Variants in IPO11 observed in about 807,000 individuals in gnomAD.
The protein encoded by IPO11 is importin 11.
In IPO11, 66 loss-of-function variants were observed where a neutral mutation model predicts 143.2. The ratio of observed to expected loss-of-function variants is 0.46; its 90% CI spans 0.38 to 0.57. The LOEUF is 0.57. Ranked by LOEUF, IPO11 falls within the 20% of genes least tolerant of loss-of-function variation. IPO11 has a pLI of 0.00. For synonymous variants in IPO11, 385 were observed against 377.8 expected, an observed-to-expected ratio of 1.02 and a Z score of -0.22; for missense variants, 1,026 against 1,141.0, an observed-to-expected ratio of 0.90 and a Z score of 1.45.
intron 1 of IPO11, among the ~76,000 whole-genome samples, chr5:62,435,114 A>ATATATGTGTATATATGTATATG (rs1561308819): frequency 2.0e-5 from 2 of 102,310 alleles, no homozygotes; most frequent in Non-Finnish European, 3.7e-5. Context: ...ATATATGTAT[A>ATATATGTGTATATATGTATATG]TATGTATATA....
At chr5:62,427,466 C>T (rs1243883982) in intron 1 of IPO11, among the ~76,000 whole-genome samples, 1 of 152,150 alleles carries the variant, frequency 6.6e-6, no homozygotes, top group Non-Finnish European at 1.5e-5. Context: ...CAGGTGTCCC[C>T]AGCCCTCAGG....
intron 5 of IPO11, among the ~76,000 whole-genome samples, chr5:62,456,475 C>A (rs1441075223): frequency 6.6e-6 from 1 of 152,140 alleles, no homozygotes; most frequent in Non-Finnish European, 1.5e-5. Flanking sequence ...CCCCAAATCA[C>A]GATGTGTAAC....
At chr5:62,604,463 G>A (rs1425615880) in intron 29 of IPO11, among the ~76,000 whole-genome samples, 1 of 152,076 alleles carries the variant, frequency 6.6e-6, no homozygotes, top group African/African-American at 2.4e-5. Context: ...TGCCCACCTT[G>A]GCCTCCCAAA....
intron 9 of IPO11, among the ~76,000 whole-genome samples, chr5:62,482,724 T>C (rs1222397529): frequency 6.6e-6 from 1 of 152,212 alleles, no homozygotes; most frequent in African/African-American, 2.4e-5. Flanking sequence ...AACATTAAAA[T>C]ATAATTCATA....
intron 3 of IPO11, among the ~76,000 whole-genome samples, chr5:62,444,149 G>A (rs1744620731): frequency 6.7e-6 from 1 of 149,570 alleles, no homozygotes; most frequent in Non-Finnish European, 1.5e-5. Flanking sequence ...AGGCTGGAGT[G>A]CAATGGCATG....
rs879141416 is a variant in IPO11 at position 62,551,346 on chromosome 5, A to G, written c.2460+10A>G. 7.8e-7 allele frequency: 1 copy of G among 1,277,370 alleles called. No individual in the cohort carries two copies. Among genetic ancestry groups the G allele is most frequent in the South Asian group, 1.2e-5 (1 of 82,672 alleles). The allele number at this position is 1,277,370 out of a possible 1,614,324, so 79.1% of individuals were successfully genotyped here. Reference sequence around the variant, plus strand: ...TAAATTTAATCAGGAGGTAAGAATCAATATACTTAAATTTAAGGAAGTCTT... The same window carrying G: ...TAAATTTAATCAGGAGGTAAGAATCGATATACTTAAATTTAAGGAAGTCTT... On this transcript the variant is annotated intron_variant, in intron 26 of 29. Transcript: ENST00000325324.
intron 22 of IPO11, among the ~76,000 whole-genome samples, chr5:62,535,723 T>C (rs532555073): frequency 6.6e-6 from 1 of 152,260 alleles, no homozygotes; most frequent in Non-Finnish European, 1.5e-5. Context: ...AATTCACATC[T>C]GAATAGAATG....
At chr5:62,525,642 C>T (rs1294215954) in intron 20 of IPO11, among the ~76,000 whole-genome samples, 1 of 152,186 alleles carries the variant, frequency 6.6e-6, no homozygotes, top group Non-Finnish European at 1.5e-5. Context: ...CCTTGGCCTC[C>T]CAATGAGTTG....
intron 29 of IPO11, among the ~76,000 whole-genome samples, chr5:62,607,800 C>CT (rs753761939): frequency 0.017 from 2,406 of 142,074 alleles, 36 homozygotes; most frequent in African/African-American, 0.021. Context: ...TGCCACATCT[C>CT]TTTTTTTTTT....
intron 24 of IPO11, among the ~76,000 whole-genome samples, chr5:62,543,217 T>G (rs1200080836): frequency 6.6e-6 from 1 of 152,184 alleles, no homozygotes; most frequent in African/African-American, 2.4e-5. Context: ...ATCCTGCATT[T>G]TTCACAAAAG....
At chr5:62,445,019 A>G (rs1348402463) in intron 3 of IPO11, among the ~76,000 whole-genome samples, 2 of 152,048 alleles carry the variant, frequency 1.3e-5, no homozygotes, top group Non-Finnish European at 2.9e-5. Context: ...AATTTAGCTT[A>G]AATTTAAAAA....
chr5:62,551,419 T>A, intron 26 of IPO11, 83 bp downstream of exon 26: 1 of 742,780 alleles, frequency 1.3e-6, no homozygotes, highest in Non-Finnish European at 2.3e-6. Flanking sequence ...TGAGTCTTTG[T>A]AAAAGTCGCT....
intron 27 of IPO11, among the ~76,000 whole-genome samples, chr5:62,569,353 T>G (rs1216460917): frequency 6.6e-6 from 1 of 152,198 alleles, no homozygotes; most frequent in Non-Finnish European, 1.5e-5. Context: ...ATCTCTCACT[T>G]GGTTTCTTTA....
chr5:62,623,921 C>A (rs144223744), intron 29 of IPO11, among the ~76,000 whole-genome samples: 297 of 152,042 alleles, frequency 2.0e-3, no homozygotes, highest in African/African-American at 6.8e-3. Context: ...CAATGCCCGG[C>A]CTTTTATGGG....
At chr5:62,425,809 A>G (rs1743718221) in intron 1 of IPO11, among the ~76,000 whole-genome samples, 1 of 152,250 alleles carries the variant, frequency 6.6e-6, no homozygotes, top group Non-Finnish European at 1.5e-5. Flanking sequence ...AGAAGTGTAT[A>G]TAATAGGTGG....
chr5:62,486,222 C>T (rs1746400555), intron 12 of IPO11, among the ~76,000 whole-genome samples: 3 of 152,068 alleles, frequency 2.0e-5, no homozygotes, highest in African/African-American at 7.2e-5. Flanking sequence ...CCTCGTGAGC[C>T]ACCCGCCTCG....
At chr5:62,437,445 T>C in intron 2 of IPO11, 28 bp downstream of exon 2, 3 of 1,575,342 alleles carry the variant, frequency 1.9e-6, no homozygotes, top group Non-Finnish European at 2.6e-6. Flanking sequence ...TGTTTGCTTT[T>C]CTTTTTAATA....
chr5:62,476,719 G>T lies in IPO11; in HGVS notation c.794G>T (p.Arg265Ile). ...SIGTDNVCRD[R>I]LEKTIILFTK... ...GGTACAGATAATGTGTGTAGAGATA[G>T]ACTGGAAAAGACCATCATTCTTTTT... The change falls in exon 9 of 30, where the codon AGA becomes ATA. Residue 265 changes from arginine (R) to isoleucine (I), a missense_variant. This residue lies in a region of IPO11 where 429 missense variants were observed against 456.3 expected (regional missense o/e 0.94). Transcript: ENST00000325324. 6.6e-7 allele frequency: 1 copy of T among 1,518,252 alleles called. No homozygotes were observed. The highest frequency in any genetic ancestry group is 1.3e-5 in the South Asian group (1 of 76,412). The allele number at this position is 1,518,252 out of a possible 1,614,324, so 94.0% of individuals were successfully genotyped here.
rs538430921 is a variant in IPO11, at chr5:62,487,632, T to A, written c.1219-139T>A. 10 of 608,496 alleles carry A rather than the reference T, an allele frequency of 1.6e-5. No homozygotes were observed. In the East Asian group the frequency reaches 5.9e-4, roughly 36 times the overall value. The allele number at this position is 608,496 out of a possible 1,614,324, so 37.7% of individuals were successfully genotyped here. A position where few individuals can be genotyped will look rare whatever the true frequency, so the allele number is the denominator to read the frequency against. ...GGTTATAAAAAAATGGTAACCTTAC[T>A]TTTTTTTTTTAACAAATCAAAAGTT... On this transcript the variant is annotated intron_variant, in intron 12 of 29. Coordinates refer to ENST00000325324, the MANE Select transcript of IPO11 (RefSeq NM_016338.5).
Sources: allele counts gnomAD v4.1 joint callset (sites outside exome capture counted in the v4.1 genomes callset), GRCh38; gene constraint gnomAD v4.1.1; regional missense constraint gnomAD v4.1.1; transcripts MANE v1.5; gene names NCBI Gene and HGNC (gene_info 2026-07-23, HGNC 2026-07-21).